The following FGF5 variants were observed in gnomAD, a reference collection of about 807,000 sequenced individuals.
The protein encoded by FGF5 is fibroblast growth factor 5, also known as heparin-binding growth factor 5.
In FGF5, 23 loss-of-function variants were observed where a neutral mutation model predicts 21.8. The ratio of observed to expected loss-of-function variants is 1.05; its 90% CI spans 0.76 to 1.49. The LOEUF is 1.49. Among genes scored for constraint, FGF5 ranks in the 40% most tolerant of loss-of-function variants. The pLI is 0.00. For missense variants in FGF5, 352 were observed against 332.9 expected, an observed-to-expected ratio of 1.06 and a Z score of -0.45; for synonymous variants, 158 against 124.0, an observed-to-expected ratio of 1.27 and a Z score of -1.82.
chr4:80,268,086 T>G (rs574221141), intron 1 of FGF5, among the ~76,000 whole-genome samples: 1 of 151,938 alleles, frequency 6.6e-6, no homozygotes, highest in East Asian at 1.9e-4. Context: ...TCCCTCTGAG[T>G]TTTTTCTTTC....
rs1235719826 is a variant in FGF5 at position 80,290,271 on chromosome 4, C to T, written c.*3599C>T. Reference sequence around the variant, plus strand: ...CATCTAAATTCTGATAATTTAAAATCCATTTTAGGTGATAAAATTTTTTAA... The same window carrying T: ...CATCTAAATTCTGATAATTTAAAATTCATTTTAGGTGATAAAATTTTTTAA... On this transcript the variant is annotated 3_prime_UTR_variant, in exon 3 of 3. Transcript: ENST00000312465. 1 of 152,134 alleles carries T rather than the reference C, an allele frequency of 6.6e-6. No homozygotes were observed. Among genetic ancestry groups the T allele is most frequent in the Non-Finnish European group, 1.5e-5 (1 of 68,022 alleles). 9.4% of individuals were successfully genotyped at this position (152,134 alleles called of 1,614,324 possible). A position where few individuals can be genotyped will look rare whatever the true frequency, so the allele number is the denominator to read the frequency against.
chr4:80,286,005 A>G (rs1403924224), intron 2 of FGF5, among the ~76,000 whole-genome samples: 6 of 152,218 alleles, frequency 3.9e-5, no homozygotes. Context: ...GTAACTATAC[A>G]TTTCAAAGTA....
At chr4:80,285,261 C>T (rs1214614045) in intron 2 of FGF5, among the ~76,000 whole-genome samples, 2 of 152,152 alleles carry the variant, frequency 1.3e-5, no homozygotes, top group Non-Finnish European at 2.9e-5. Context: ...TGGTGCTGAC[C>T]TACATTGTCT....
Position 80,266,753 on chromosome 4 carries a change from G to T in FGF5, c.-72G>T. The T allele has an allele frequency of 4.3e-5, 56 of 1,311,178 alleles. 2 individuals are homozygous for T. The South Asian group carries it at 7.4e-4, about 17-fold the overall frequency. The allele number at this position is 1,311,178 out of a possible 1,614,324, so 81.2% of individuals were successfully genotyped here. ...GCGAGGCGGGCAGAGCCAGAGGCACGCAGCCGCACAGGGGCTACAGAGCCC... is the reference window on the plus strand; with the variant it reads ...GCGAGGCGGGCAGAGCCAGAGGCACTCAGCCGCACAGGGGCTACAGAGCCC... On this transcript the variant is annotated 5_prime_UTR_variant, in exon 1 of 3. Transcript: ENST00000312465.
chr4:80,272,835 T>A (rs1436156425), intron 1 of FGF5, among the ~76,000 whole-genome samples: 2 of 152,126 alleles, frequency 1.3e-5, no homozygotes, highest in African/African-American at 4.8e-5. Flanking sequence ...TTCTTTCTCA[T>A]TTTTGAATGC....
intron 2 of FGF5, among the ~76,000 whole-genome samples, chr4:80,285,105 G>A (rs575211260): frequency 1.3e-5 from 2 of 152,248 alleles, no homozygotes; most frequent in South Asian, 4.1e-4. Context: ...TGTTGTAAGT[G>A]TTATGGATAA....
intron 1 of FGF5, among the ~76,000 whole-genome samples, chr4:80,274,279 T>C (rs954843867): frequency 4.0e-4 from 61 of 152,142 alleles, no homozygotes; most frequent in Middle Eastern, 3.2e-3. Flanking sequence ...ATGCAAGATG[T>C]CTCAAAGCAT....
intron 1 of FGF5, among the ~76,000 whole-genome samples, chr4:80,273,726 G>A (rs1720333547): frequency 1.3e-5 from 2 of 151,240 alleles, no homozygotes; most frequent in Non-Finnish European, 2.9e-5. Flanking sequence ...CTTTTTAAAA[G>A]TAGAGATGCG....
intron 2 of FGF5, among the ~76,000 whole-genome samples, chr4:80,280,887 C>G (rs1339545702): frequency 6.6e-6 from 1 of 152,042 alleles, no homozygotes; most frequent in East Asian, 1.9e-4. Context: ...AAAACACAGT[C>G]CCTGGAGATA....
chr4:80,266,694 C>G lies in FGF5; in HGVS notation c.-131C>G. 1 of 777,620 alleles carries G rather than the reference C, an allele frequency of 1.3e-6. No individual in the cohort carries two copies. The highest frequency in any genetic ancestry group is 2.1e-6 in the Non-Finnish European group (1 of 486,016). 48.2% of individuals were successfully genotyped at this position (777,620 alleles called of 1,614,324 possible). A position where few individuals can be genotyped will look rare whatever the true frequency, so the allele number is the denominator to read the frequency against. On this transcript the variant is annotated 5_prime_UTR_variant, in exon 1 of 3. Coordinates refer to ENST00000312465, the MANE Select transcript of FGF5 (RefSeq NM_004464.4). ...GGTGGCCTCTCTCTTCCCCTCTCCC[C>G]TTCTCTTCCCCGAGGCTATGTCCAC... is the stretch of plus-strand genomic sequence containing the variant.
chr4:80,282,338 G>A (rs1465379473), intron 2 of FGF5, among the ~76,000 whole-genome samples: 2 of 151,848 alleles, frequency 1.3e-5, no homozygotes, highest in Non-Finnish European at 2.9e-5. Flanking sequence ...AAAATAGTTC[G>A]ATTTGTTTAA....
chr4:80,272,938 T>C (rs1388355325), intron 1 of FGF5, among the ~76,000 whole-genome samples: 2 of 152,132 alleles, frequency 1.3e-5, no homozygotes, highest in South Asian at 2.1e-4. Context: ...GTATTTCCAA[T>C]AGAAATTTAA....
intron 2 of FGF5, among the ~76,000 whole-genome samples, chr4:80,275,963 T>A (rs1044285738): frequency 1.3e-4 from 20 of 152,132 alleles, no homozygotes; most frequent in African/African-American, 4.8e-4. Flanking sequence ...AAGTTTCAAT[T>A]GATAGCAATA....
chr4:80,267,765 A>G (rs1290843594), intron 1 of FGF5, among the ~76,000 whole-genome samples: 1 of 152,040 alleles, frequency 6.6e-6, no homozygotes, highest in Non-Finnish European at 1.5e-5. Context: ...AGATACACAG[A>G]TAGATAGACA....
At chr4:80,280,863 A>G (rs938361740) in intron 2 of FGF5, among the ~76,000 whole-genome samples, 1 of 152,152 alleles carries the variant, frequency 6.6e-6, no homozygotes, top group Admixed American at 6.5e-5. Context: ...CCAGGGTCTC[A>G]CCTCAGACTT....
At position 80,288,503 on chromosome 4, in the gene FGF5, A is replaced by G. The variant is rs1720802798; in HGVS notation, c.*1831A>G. 1.3e-5 allele frequency: 2 copies of G among 152,190 alleles called. No homozygotes were observed. Among genetic ancestry groups the G allele is most frequent in the African/African-American group, 2.4e-5 (1 of 41,464 alleles). 9.4% of individuals were successfully genotyped at this position (152,190 alleles called of 1,614,324 possible). The stretch of plus-strand genomic sequence containing the variant: ...ATTGAACTAATTTATACTTTAAAGT[A>G]TTTCTGGGTTAAATGAAACAATGAA... On this transcript the variant is annotated 3_prime_UTR_variant, in exon 3 of 3. Coordinates refer to ENST00000312465, the MANE Select transcript of FGF5 (RefSeq NM_004464.4).
intron 2 of FGF5, among the ~76,000 whole-genome samples, chr4:80,280,736 T>C (rs1030543140): frequency 6.6e-6 from 1 of 152,124 alleles, no homozygotes; most frequent in Non-Finnish European, 1.5e-5. Flanking sequence ...AGTCCAGCTA[T>C]ATGGAGTTAT....
At chr4:80,273,031 T>C (rs1720313587) in intron 1 of FGF5, among the ~76,000 whole-genome samples, 1 of 152,034 alleles carries the variant, frequency 6.6e-6, no homozygotes. Flanking sequence ...TTACAAAGCA[T>C]TTGGTGTGTT....
chr4:80,267,943 A>G (rs1015859969), intron 1 of FGF5, among the ~76,000 whole-genome samples: 1 of 152,224 alleles, frequency 6.6e-6, no homozygotes, highest in Non-Finnish European at 1.5e-5. Context: ...ACTACACCGT[A>G]TTAGGAGAGT....
Sources: gnomAD v4.1 joint callset for allele counts (sites outside exome capture counted in the v4.1 genomes callset) on GRCh38, gnomAD v4.1.1 for gene constraint, MANE v1.5 for transcripts, NCBI Gene and HGNC (gene_info 2026-07-23, HGNC 2026-07-21) for gene names.